Variants in DMD observed in about 807,000 individuals in gnomAD.
DMD encodes mutant dystrophin.
Under a neutral mutation model 330.1 loss-of-function variants are expected in DMD, and 63 were observed. The ratio of observed to expected loss-of-function variants is 0.19; its 90% CI spans 0.16 to 0.24. The LOEUF (loss-of-function observed/expected upper bound fraction) is 0.24, where lower values mean the gene tolerates loss of function less well. Among genes scored for constraint, DMD ranks in the 10% least tolerant of loss-of-function variants. The pLI is 1.00. For missense variants in DMD, 3,344 were observed against 2,684.1 expected, an observed-to-expected ratio of 1.25 and a Z score of -5.43; for synonymous variants, 1,223 against 959.8, an observed-to-expected ratio of 1.27 and a Z score of -5.07.
Position 31,992,007 on chromosome X carries a change from G to T in DMD, c.6439-23493C>A, listed in dbSNP as rs193134529. 7.2e-5 allele frequency among the ~76,000 whole-genome samples: 8 copies of T among 111,856 alleles called. No homozygotes were observed. The Admixed American group carries it at 7.6e-4, about 11-fold the overall frequency. Reference sequence around the variant, plus strand: ...AGAAAACCGATGCATGATACAAGGTGATAAAGAATATGAAGAGACTTAAAA... The same window carrying T: ...AGAAAACCGATGCATGATACAAGGTTATAAAGAATATGAAGAGACTTAAAA... On this transcript the variant is annotated intron_variant, in intron 44 of 78. Transcript: ENST00000357033.
intron 2 of DMD, among the ~76,000 whole-genome samples, chrX:32,888,614 A>C (rs2084897051): frequency 8.9e-6 from 1 of 111,874 alleles, no homozygotes; most frequent in East Asian, 2.8e-4. Context: ...CTTCAAAAAA[A>C]AATAAAAATA....
rs377175004 is a variant in DMD at position 31,121,821 on chromosome X, G to A, written c.*98C>T. The A allele has an allele frequency of 1.1e-5, 12 of 1,120,150 alleles. No homozygotes were observed. The highest frequency in any genetic ancestry group is 1.5e-5 in the Non-Finnish European group (12 of 812,298). The allele number at this position is 1,120,150 out of a possible 1,213,427, so 92.3% of individuals were successfully genotyped here. A position where few individuals can be genotyped will look rare whatever the true frequency, so the allele number is the denominator to read the frequency against. ...TATAAAAACCATGCGGGAATCAGGA[G>A]TTGTAAAACATTTATTCTGCTCCTT... On this transcript the variant is annotated 3_prime_UTR_variant, in exon 79 of 79. Coordinates refer to ENST00000357033, the MANE Select transcript of DMD (RefSeq NM_004006.3).
At chrX:31,211,081 C>A (rs762254918) in intron 64 of DMD, among the ~76,000 whole-genome samples, 2 of 111,778 alleles carry the variant, frequency 1.8e-5, no homozygotes, top group Non-Finnish European at 3.8e-5. Flanking sequence ...GAAGCTGAGA[C>A]TTTCTTTAAA....
At chrX:31,227,295 G>C (rs762887566) in intron 63 of DMD, among the ~76,000 whole-genome samples, 1 of 111,583 alleles carries the variant, frequency 9.0e-6, no homozygotes, top group South Asian at 3.8e-4. Flanking sequence ...AGGCAAGAAT[G>C]ATCTGATTCT....
At chrX:31,833,359 A>AG (rs2093115275) in intron 49 of DMD, among the ~76,000 whole-genome samples, 2 of 50,468 alleles carry the variant, frequency 4.0e-5, no homozygotes, top group African/African-American at 8.3e-5. Context: ...GAGGGAGGGA[A>AG]AGAGAGAGAG....
intron 2 of DMD, among the ~76,000 whole-genome samples, chrX:32,883,501 G>C (rs942940553): frequency 1.8e-5 from 2 of 110,649 alleles, no homozygotes; most frequent in African/African-American, 6.6e-5. Context: ...CATGCTACCA[G>C]CTTTTCACAA....
intron 44 of DMD, among the ~76,000 whole-genome samples, chrX:32,138,081 A>T (rs2096735701): frequency 9.2e-6 from 1 of 109,186 alleles, no homozygotes; most frequent in Non-Finnish European, 1.9e-5. Context: ...AAGGTCGCCC[A>T]CCTTAATCCC....
At chrX:31,845,064 A>G (rs1209725038) in intron 48 of DMD, among the ~76,000 whole-genome samples, 2 of 90,095 alleles carry the variant, frequency 2.2e-5, no homozygotes, top group Non-Finnish European at 4.2e-5. Context: ...GTGTATATAT[A>G]TGTATATGTG....
chrX:32,441,281 A>G lies in DMD; in HGVS notation c.3820T>C (p.Tyr1274His). The G allele has an allele frequency of 8.3e-7, 1 of 1,209,166 alleles. No individual in the cohort carries two copies. Among genetic ancestry groups the G allele is most frequent in the East Asian group, 3.0e-5 (1 of 33,762 alleles). ...VWACWHELLS[Y>H]LEKANKWLNE... Reference sequence around the variant, plus strand: ...AGCCACTTGTTTGCTTTCTCCAAGTATGACAATAACTCATGCCAACATGCC... The same window carrying G: ...AGCCACTTGTTTGCTTTCTCCAAGTGTGACAATAACTCATGCCAACATGCC... The change falls in exon 28 of 79, where the codon TAC (tyrosine) becomes CAC (histidine). Residue 1274 changes from tyrosine (Y) to histidine (H), a missense_variant. Physicochemically the swap from Tyr to His is moderately conservative, Grantham distance 83. Coordinates refer to ENST00000357033, the MANE Select transcript of DMD (RefSeq NM_004006.3).
intron 43 of DMD, among the ~76,000 whole-genome samples, chrX:32,259,806 A>C (rs2097314543): frequency 8.9e-6 from 1 of 111,745 alleles, no homozygotes; most frequent in African/African-American, 3.2e-5. Context: ...GTCCCATAAA[A>C]GCTTATAATT....
chrX:31,995,385 G>A (rs1383841154), intron 44 of DMD, among the ~76,000 whole-genome samples: 3 of 111,515 alleles, frequency 2.7e-5, no homozygotes, highest in South Asian at 3.7e-4. Flanking sequence ...GATTTTATTC[G>A]TCTTCCGTGC....
intron 17 of DMD, among the ~76,000 whole-genome samples, chrX:32,533,431 T>G (rs1432770807): frequency 1.8e-5 from 2 of 112,011 alleles, no homozygotes; most frequent in Non-Finnish European, 3.8e-5. Flanking sequence ...TGCAATGAAT[T>G]GTCACTTTCC....
At chrX:32,908,550 T>C (rs1026214194) in intron 2 of DMD, among the ~76,000 whole-genome samples, 3 of 112,069 alleles carry the variant, frequency 2.7e-5, no homozygotes, top group Non-Finnish European at 5.6e-5. Context: ...TATTGGTGAA[T>C]TTAAAATGAT....
intron 34 of DMD, among the ~76,000 whole-genome samples, chrX:32,376,200 G>A (rs1347200625): frequency 2.7e-5 from 3 of 111,618 alleles, no homozygotes; most frequent in Non-Finnish European, 5.6e-5. Flanking sequence ...AGAACTGCTT[G>A]AACCCAGGAG....
chrX:32,766,630 AT>A (rs1473254521), intron 7 of DMD, among the ~76,000 whole-genome samples: 5 of 111,431 alleles, frequency 4.5e-5, no homozygotes, highest in Non-Finnish European at 9.4e-5. Context: ...ATAAGATCAT[AT>A]CATCTGAGAA....
intron 67 of DMD, among the ~76,000 whole-genome samples, chrX:31,183,867 T>TA (rs2041439675): frequency 1.8e-5 from 2 of 108,495 alleles, no homozygotes; most frequent in Non-Finnish European, 3.8e-5. Context: ...CCTCCTTTTT[T>TA]TAAAAAAAAA....
intron 1 of DMD, among the ~76,000 whole-genome samples, chrX:33,234,455 A>G (rs1292285317): frequency 9.0e-6 from 1 of 110,747 alleles, no homozygotes; most frequent in East Asian, 2.8e-4. Context: ...AGTTTCCCCA[A>G]TTGTTAAATG....
chrX:32,536,282 A>AC (rs1198587264), intron 17 of DMD, among the ~76,000 whole-genome samples: 2 of 107,970 alleles, frequency 1.9e-5, no homozygotes, highest in African/African-American at 6.8e-5. Flanking sequence ...AAAAAAAAAA[A>AC]AAAAAACACA....
At chrX:32,056,334 T>C (rs1295141626) in intron 44 of DMD, among the ~76,000 whole-genome samples, 1 of 82,845 alleles carries the variant, frequency 1.2e-5, no homozygotes, top group Non-Finnish European at 2.4e-5. Context: ...TCAACAAAGC[T>C]AAGAGTTTTT....
Sources: gnomAD v4.1 joint callset for allele counts (sites outside exome capture counted in the v4.1 genomes callset) on GRCh38, gnomAD v4.1.1 for gene constraint, MANE v1.5 for transcripts, NCBI Gene and HGNC (gene_info 2026-07-23, HGNC 2026-07-21) for gene names.